The following ZNF33A variants were observed in gnomAD, a reference collection of about 807,000 sequenced individuals.
ZNF33A encodes brain my041 protein.
In ZNF33A, 9 loss-of-function variants were observed where a neutral mutation model predicts 15.9. The observed-to-expected ratio is 0.57, with a 90% CI of 0.34 to 0.99. The LOEUF (loss-of-function observed/expected upper bound fraction) is 0.99. Ranked by LOEUF, ZNF33A falls within the 50% of genes least tolerant of loss-of-function variation. The pLI is 0.02. For missense variants in ZNF33A, 843 were observed against 941.6 expected, an observed-to-expected ratio of 0.90 and a Z score of 1.37; for synonymous variants, 294 against 324.2, an observed-to-expected ratio of 0.91 and a Z score of 1.00.
chr10:38,013,614 A>G (rs556544124), intron 2 of ZNF33A, among the ~76,000 whole-genome samples: 5 of 151,352 alleles, frequency 3.3e-5, no homozygotes, highest in Non-Finnish European at 7.4e-5. Flanking sequence ...ACGCACCACC[A>G]TACCCAGCTA....
upstream of ZNF33A, chr10:38,010,498 G>C (rs1171812251): frequency 1.3e-5 from 8 of 620,764 alleles, no homozygotes; most frequent in Non-Finnish European, 2.3e-5. Flanking sequence ...CAGGGCTGCA[G>C]GCAGTTCCAG....
rs559882411 is a variant in ZNF33A at position 38,045,535 on chromosome 10, C to T, written c.251-8840C>T. Among the ~76,000 whole-genome samples the T allele has an allele frequency of 9.2e-5, 14 of 152,230 alleles. 1 individual carries two copies. The South Asian group carries it at 1.9e-3, about 20-fold the overall frequency. ...GCTTTGAGTTTGCTTTTTATGTTGC[C>T]ATTCTGAAAGTCACCTCCTAGAAAA... On this transcript the variant is annotated intron_variant, in intron 4 of 4. Coordinates refer to ENST00000432900, the MANE Select transcript of ZNF33A (RefSeq NM_006954.2).
At chr10:38,012,437 T>TG in intron 2 of ZNF33A, 87 bp downstream of exon 2, 1 of 1,502,016 alleles carries the variant, frequency 6.7e-7, no homozygotes, top group Non-Finnish European at 9.0e-7. Flanking sequence ...TTTTTTTTTT[T>TG]TTTTTTTTTT....
intron 4 of ZNF33A, among the ~76,000 whole-genome samples, chr10:38,040,776 C>G (rs1362980917): frequency 6.6e-6 from 1 of 152,128 alleles, no homozygotes; most frequent in Non-Finnish European, 1.5e-5. Flanking sequence ...AAATCATTCC[C>G]TTTTTCCTGT....
At chr10:38,030,128 A>G (rs1166450977) in intron 4 of ZNF33A, among the ~76,000 whole-genome samples, 1 of 152,220 alleles carries the variant, frequency 6.6e-6, no homozygotes, top group Non-Finnish European at 1.5e-5. Context: ...GACTTACAGG[A>G]ACTGAAATGT....
chr10:38,049,178 A>G lies in ZNF33A; in HGVS notation c.251-5197A>G, dbSNP rs1302775474. Among the ~76,000 whole-genome samples, 3 of 152,160 alleles carry G rather than the reference A, an allele frequency of 2.0e-5. No homozygotes were observed. The East Asian group carries it at 5.8e-4, about 29-fold the overall frequency. On this transcript the variant is annotated intron_variant, in intron 4 of 4. Coordinates refer to ENST00000432900, the MANE Select transcript of ZNF33A (RefSeq NM_006954.2). ...AACTGAATATACTTCTACATAATGG[A>G]TTCTTCAAAGAAGAGTTCAAAGGGG...
At chr10:38,025,219 TAATC>T (rs758993499) in intron 4 of ZNF33A, among the ~76,000 whole-genome samples, 69 of 152,318 alleles carry the variant, frequency 4.5e-4, no homozygotes, top group Non-Finnish European at 6.5e-4. Context: ...ATAGCTATAA[TAATC>T]AAGAGGACAG....
chr10:38,056,551 T>C lies in ZNF33A; in HGVS notation c.2427T>C (p.Asn809=). Residue 809 remains asparagine (N), a synonymous_variant, in exon 5 of 5, where the codon AAT becomes AAC. Transcript: ENST00000432900. The part of the protein sequence containing the change: ...HCGESPDDIL[N]VQ ...GAGAAAGCCCTGATGACATCCTGAA[T>C]GTTCAGTAACTATCCACAAACTCAC... The C allele has an allele frequency of 6.4e-7, 1 of 1,566,460 alleles. No homozygotes were observed. Among genetic ancestry groups the C allele is most frequent in the Non-Finnish European group, 8.6e-7 (1 of 1,159,050 alleles).
downstream of ZNF33A, chr10:38,065,010 A>C (rs951148975): frequency 6.6e-6 from 1 of 151,768 alleles, no homozygotes; most frequent in African/African-American, 2.4e-5. Context: ...AGTGACTGTC[A>C]TAATCAAACC....
At chr10:38,019,230 G>T (rs569732649) in intron 4 of ZNF33A, among the ~76,000 whole-genome samples, 1 of 151,480 alleles carries the variant, frequency 6.6e-6, no homozygotes, top group East Asian at 1.9e-4. Flanking sequence ...GTGAGAACAT[G>T]CAGTGTTTGG....
chr10:38,013,261 C>CGA (rs35067108), intron 2 of ZNF33A, among the ~76,000 whole-genome samples: 1,886 of 152,070 alleles, frequency 0.012, 27 homozygotes, highest in Middle Eastern at 0.048. Flanking sequence ...CAGGCATGCG[C>CGA]CACCACACCT....
chr10:38,035,075 A>G (rs950896335), intron 4 of ZNF33A, among the ~76,000 whole-genome samples: 4 of 151,382 alleles, frequency 2.6e-5, no homozygotes, highest in Admixed American at 1.3e-4. Context: ...CAACAGTAAG[A>G]AATCTGGCTC....
chr10:38,012,328 A>G lies in ZNF33A; in HGVS notation c.-14A>G, dbSNP rs370447552. ...TCTTCAGAGTTGTCTCCGTCTTTCC[A>G]AGAACAGAACAAAATGAACAAGGTA... is the stretch of plus-strand genomic sequence containing the variant. On this transcript the variant is annotated 5_prime_UTR_variant, in exon 2 of 5. Coordinates refer to ENST00000432900, the MANE Select transcript of ZNF33A (RefSeq NM_006954.2). The G allele has an allele frequency of 1.7e-5, 27 of 1,613,604 alleles. No individual in the cohort carries two copies. The African/African-American group carries it at 3.2e-4, about 19-fold the overall frequency.
At chr10:38,063,819 C>T (rs2066683796), downstream of ZNF33A, among the ~76,000 whole-genome samples, 1 of 152,190 alleles carries the variant, frequency 6.6e-6, no homozygotes, top group Admixed American at 6.5e-5. Flanking sequence ...GTCTCTTTTA[C>T]CTATTTTCAC....
At chr10:38,019,107 G>A (rs2064607694) in intron 4 of ZNF33A, among the ~76,000 whole-genome samples, 1 of 151,762 alleles carries the variant, frequency 6.6e-6, no homozygotes, top group Non-Finnish European at 1.5e-5. Flanking sequence ...TTAGCATTAG[G>A]TATATCTCCT....
intron 4 of ZNF33A, among the ~76,000 whole-genome samples, chr10:38,047,994 A>C (rs1310987667): frequency 6.6e-6 from 1 of 152,226 alleles, no homozygotes; most frequent in Non-Finnish European, 1.5e-5. Flanking sequence ...TAAATGAGGC[A>C]ACAGAGAAAA....
chr10:38,037,675 A>G (rs1690949838), intron 4 of ZNF33A, among the ~76,000 whole-genome samples: 1 of 152,218 alleles, frequency 6.6e-6, no homozygotes, highest in African/African-American at 2.4e-5. Context: ...GTTGAAAATT[A>G]ACTGAACATA....
At chr10:38,032,031 C>G (rs2065235815) in intron 4 of ZNF33A, among the ~76,000 whole-genome samples, 1 of 152,082 alleles carries the variant, frequency 6.6e-6, no homozygotes, top group Admixed American at 6.6e-5. Flanking sequence ...TGAAAAATCA[C>G]AGCACACTTT....
chr10:38,012,258 C>A, intron 1 of ZNF33A, 40 bp from the exon 2 acceptor site: 1 of 1,600,074 alleles, frequency 6.2e-7, no homozygotes, highest in Non-Finnish European at 8.5e-7. Flanking sequence ...GCCAGGCAGG[C>A]CAAATCTTTC....
Sources: allele counts gnomAD v4.1 joint callset (sites outside exome capture counted in the v4.1 genomes callset), GRCh38; gene constraint gnomAD v4.1.1; transcripts MANE v1.5; gene names NCBI Gene and HGNC (gene_info 2026-07-23, HGNC 2026-07-21).